Variants in NCAPH2 observed in about 807,000 individuals in gnomAD.
NCAPH2 encodes the protein condensin-2 complex subunit H2.
In NCAPH2, 56 loss-of-function variants were observed where a neutral mutation model predicts 88.6. That is an observed-to-expected ratio of 0.63 (90% CI 0.51 to 0.79). NCAPH2 has a LOEUF of 0.79. Among genes scored for constraint, NCAPH2 ranks in the 30% least tolerant of loss-of-function variants. NCAPH2 has a pLI of 0.00. For synonymous variants in NCAPH2, 378 were observed against 313.6 expected (o/e 1.21, Z -2.17); for missense variants, 794 against 792.0 (o/e 1.00, Z -0.03).
chr22:50,514,891 G>A (rs1241787040), intron 1 of NCAPH2, among the ~76,000 whole-genome samples: 1 of 152,196 alleles, frequency 6.6e-6, no homozygotes, highest in Non-Finnish European at 1.5e-5. Context: ...CCCAGCACGC[G>A]CCATGCTTTG....
Position 50,523,795 on chromosome 22 carries a change from CG to C in NCAPH2, c.*422del, listed in dbSNP as rs773530910. 6.2e-7 allele frequency: 1 copy of C among 1,614,130 alleles called. No individual in the cohort carries two copies. Among genetic ancestry groups the C allele is most frequent in the Non-Finnish European group, 8.5e-7 (1 of 1,180,016 alleles). On this transcript the variant is annotated 3_prime_UTR_variant, in exon 20 of 20. Coordinates refer to ENST00000420993, the MANE Select transcript of NCAPH2 (RefSeq NM_152299.4). The stretch of plus-strand genomic sequence containing the variant: ...CTTGGGGCCTGCATTGTAGTACACG[CG>C]GTAACTGTGACTAGCCTGGGCAACC...
intron 11 of NCAPH2, 64 bp from the exon 12 acceptor site, chr22:50,521,677 G>A (rs2069102680): frequency 6.8e-6 from 11 of 1,610,456 alleles, no homozygotes; most frequent in Admixed American, 1.7e-5. Flanking sequence ...GAGGTGGGGG[G>A]GTGGGAGTGG....
chr22:50,511,813 T>C (rs1175790310), intron 1 of NCAPH2, among the ~76,000 whole-genome samples: 2 of 150,334 alleles, frequency 1.3e-5, no homozygotes, highest in Admixed American at 6.6e-5. Context: ...GCCTGGCTAA[T>C]TTTTTTGTAT....
At chr22:50,517,122 G>A (rs907972899) in intron 2 of NCAPH2, among the ~76,000 whole-genome samples, 19 of 152,188 alleles carry the variant, frequency 1.2e-4, no homozygotes, top group Non-Finnish European at 1.9e-4. Flanking sequence ...ACCAAGGACC[G>A]TGTGATGAGG....
rs1569521110 is a variant in NCAPH2, at chr22:50,522,037, C to G, written c.1160C>G (p.Ala387Gly). The change falls in exon 13 of 20, where the codon GCA (alanine) becomes GGA (glycine). Residue 387 changes from alanine to glycine, a missense_variant and splice_region_variant. This residue lies in a region of NCAPH2 where 735 missense variants were observed against 696.3 expected (regional missense o/e 1.06). Coordinates refer to ENST00000420993, the MANE Select transcript of NCAPH2 (RefSeq NM_152299.4). ...CTTCGGCGAAAGGGTCCGTCCTTTGCAGGTGAGGCTGAAGTCCTCGGGGAA... is the reference window on the plus strand; with the variant it reads ...CTTCGGCGAAAGGGTCCGTCCTTTGGAGGTGAGGCTGAAGTCCTCGGGGAA... Reference protein sequence around the residue: ...RRLRRKGPSFADMEVLYWTHV... With the variant: ...RRLRRKGPSFGDMEVLYWTHV... 1 of 1,614,044 alleles carries G rather than the reference C, an allele frequency of 6.2e-7. No individual in the cohort carries two copies. Among genetic ancestry groups the G allele is most frequent in the Non-Finnish European group, 8.5e-7 (1 of 1,179,964 alleles).
intron 15 of NCAPH2, 37 bp downstream of exon 15, chr22:50,522,452 C>T (rs1388162047): frequency 3.7e-6 from 6 of 1,612,964 alleles, no homozygotes; most frequent in Non-Finnish European, 4.2e-6. Context: ...GGGCTTGGCA[C>T]CTGCCGACTA....
At chr22:50,508,687 ATGAT>A (rs1569519531) in intron 1 of NCAPH2, among the ~76,000 whole-genome samples, 1 of 152,190 alleles carries the variant, frequency 6.6e-6, no homozygotes, top group African/African-American at 2.4e-5. Flanking sequence ...CGAGCCGTGA[ATGAT>A]TGAGTGGGTG....
chr22:50,513,484 C>T (rs745886688), intron 1 of NCAPH2, among the ~76,000 whole-genome samples: 5 of 152,176 alleles, frequency 3.3e-5, no homozygotes, highest in African/African-American at 4.8e-5. Flanking sequence ...TTAGGGAGGC[C>T]GAGGTGGCTT....
Position 50,521,833 on chromosome 22 carries a change from T to C in NCAPH2, c.1093T>C (p.Trp365Arg). Reference sequence around the variant, plus strand: ...TGCCAAGCTGCAGGACTTCCACCAGTGGTACCTGGCTGCCTGTGAGTGGGT... The same window carrying C: ...TGCCAAGCTGCAGGACTTCCACCAGCGGTACCTGGCTGCCTGTGAGTGGGT... ...GAAKLQDFHQ[W>R]YLAAYADHAD... Residue 365 changes from tryptophan (W) to arginine (R), a missense_variant, in exon 12 of 20, where the codon TGG (tryptophan) becomes CGG (arginine). Coordinates refer to ENST00000420993, the MANE Select transcript of NCAPH2 (RefSeq NM_152299.4). The C allele has an allele frequency of 6.2e-7, 1 of 1,613,862 alleles. No homozygotes were observed. Among genetic ancestry groups the C allele is most frequent in the Non-Finnish European group, 8.5e-7 (1 of 1,180,008 alleles).
chr22:50,508,925 G>C (rs1310928398), intron 1 of NCAPH2, among the ~76,000 whole-genome samples: 2 of 152,164 alleles, frequency 1.3e-5, no homozygotes, highest in Non-Finnish European at 2.9e-5. Flanking sequence ...CCTGTGTTAA[G>C]CTGTCTGCTC....
Position 50,508,281 on chromosome 22 carries a change from G to A in NCAPH2, c.-57G>A, listed in dbSNP as rs530638587. On this transcript the variant is annotated 5_prime_UTR_variant, in exon 1 of 20. Coordinates refer to ENST00000420993, the MANE Select transcript of NCAPH2 (RefSeq NM_152299.4). ...CCAGAACTAGTGGCGGGCTGAGGACGCCGTACCCCTCGGAAGGCAGCCCTG... is the reference window on the plus strand; with the variant it reads ...CCAGAACTAGTGGCGGGCTGAGGACACCGTACCCCTCGGAAGGCAGCCCTG... The A allele has an allele frequency of 3.5e-3, 4,606 of 1,307,300 alleles. 8 individuals are homozygous for A. The highest frequency in any genetic ancestry group is 7.7e-3 in the Middle Eastern group (31 of 4,040). The allele number at this position is 1,307,300 out of a possible 1,614,324, so 81.0% of individuals were successfully genotyped here.
At position 50,519,302 on chromosome 22, in the gene NCAPH2, G is replaced by T. The variant is rs774506581; in HGVS notation, c.843G>T (p.Glu281Asp). The T allele has an allele frequency of 6.2e-7, 1 of 1,608,056 alleles. No homozygotes were observed. The highest frequency in any genetic ancestry group is 8.5e-7 in the Non-Finnish European group (1 of 1,177,926). Residue 281 changes from glutamate (E) to aspartate (D), a missense_variant, in exon 9 of 20, where the codon GAG (glutamate) becomes GAT (aspartate). Glu to Asp is a conservative substitution (Grantham distance 45). Transcript: ENST00000420993. ...CCAAGGCCGCTCTGGAGCCCAAGGA[G>T]TCCAGGAGCCCGCAGCAGGTGGGAC... ...SAPKAALEPK[E>D]SRSPQQSAAL...
rs1405252716 is a variant in NCAPH2 at position 50,512,198 on chromosome 22, G to T, written c.108+3753G>T. 1.3e-5 allele frequency among the ~76,000 whole-genome samples: 2 copies of T among 152,256 alleles called. 1 individual carries two copies. The highest frequency in any genetic ancestry group is 4.1e-4 in the South Asian group (2 of 4,832). ...CCCTCTTTTGTCTGCTTAGTAGAGTGCCTGGCACATAGGTGTGGACGTTAA... is the reference window on the plus strand; with the variant it reads ...CCCTCTTTTGTCTGCTTAGTAGAGTTCCTGGCACATAGGTGTGGACGTTAA... On this transcript the variant is annotated intron_variant, in intron 1 of 19. Transcript: ENST00000420993.
In NCAPH2 at chr22:50,519,233, C is replaced by CGAGGATGCA. The variant is rs755293223; in HGVS notation, c.780_788dup (p.Asp260_Glu262dup). On this transcript the variant is annotated inframe_insertion, in exon 9 of 20. Transcript: ENST00000420993. ...CGATGCCCCTGGGTGGGGGCGAGGACGAGGATGCAGAGGAGGCAGTAGAGC... is the reference window on the plus strand; with the variant it reads ...CGATGCCCCTGGGTGGGGGCGAGGACGAGGATGCAGAGGATGCAGAGGAGGCAGTAGAGC... 6.2e-7 allele frequency: 1 copy of CGAGGATGCA among 1,610,368 alleles called. No individual in the cohort carries two copies. Among genetic ancestry groups the CGAGGATGCA allele is most frequent in the Non-Finnish European group, 8.5e-7 (1 of 1,178,884 alleles).
Position 50,521,675 on chromosome 22 carries a change from G to A in NCAPH2, c.1000+66G>A. ...TGGGTTTCCTGGGGCATGAGGTGGG[G>A]GGGTGGGAGTGGGCTTTGCACCCTG... On this transcript the variant is annotated intron_variant, in intron 11 of 19. Transcript: ENST00000420993. 8 of 1,611,120 alleles carry A rather than the reference G, an allele frequency of 5.0e-6. No individual in the cohort carries two copies. The South Asian group carries it at 8.8e-5, about 18-fold the overall frequency.
rs374799072 is a variant in NCAPH2, at chr22:50,508,327, C to T, written c.-11C>T. On this transcript the variant is annotated 5_prime_UTR_variant, in exon 1 of 20. Coordinates refer to ENST00000420993, the MANE Select transcript of NCAPH2 (RefSeq NM_152299.4). ...CCCTGCGGTCCCTTTGCCGCCCGTT[C>T]CCTCCCGGACATGGAGGACGTGGAG... 297 of 1,480,298 alleles carry T rather than the reference C, an allele frequency of 2.0e-4. 1 individual carries two copies. In the African/African-American group the frequency reaches 3.2e-3, roughly 16 times the overall value. The allele number at this position is 1,480,298 out of a possible 1,614,324, so 91.7% of individuals were successfully genotyped here. A position where few individuals can be genotyped will look rare whatever the true frequency, so the allele number is the denominator to read the frequency against.
rs754650200 is a variant in NCAPH2 at position 50,522,394 on chromosome 22, C to G, written c.1285C>G (p.Leu429Val). ...PAEEDHLEDS[L>V]EDLGAADDFL... is the part of the protein sequence containing the mutation. ...AGAGGAGGACCACCTGGAGGATTCC[C>G]TGGAAGACCTGGGGGCAGCAGGTGG... The change falls in exon 15 of 20, where the codon CTG (leucine) becomes GTG (valine). Residue 429 changes from leucine (L) to valine (V), a missense_variant. Coordinates refer to ENST00000420993, the MANE Select transcript of NCAPH2 (RefSeq NM_152299.4). 2 of 1,609,976 alleles carry G rather than the reference C, an allele frequency of 1.2e-6. No homozygotes were observed. The highest frequency in any genetic ancestry group is 4.5e-5 in the East Asian group (2 of 44,836).
At chr22:50,518,395 G>A in intron 7 of NCAPH2, 117 bp downstream of exon 7, 2 of 1,430,806 alleles carry the variant, frequency 1.4e-6, no homozygotes, top group South Asian at 2.7e-5. Flanking sequence ...GTCTCTGGGT[G>A]CCTGCTCTAG....
intron 9 of NCAPH2, chr22:50,520,643 C>T (rs2069060549): frequency 1.8e-5 from 4 of 228,166 alleles, no homozygotes; most frequent in South Asian, 7.1e-5. Flanking sequence ...ACTGCAACCT[C>T]TGCCTCCTGG....
Sources: allele counts gnomAD v4.1 joint callset (sites outside exome capture counted in the v4.1 genomes callset), GRCh38; gene constraint gnomAD v4.1.1; regional missense constraint gnomAD v4.1.1; transcripts MANE v1.5; gene names NCBI Gene and HGNC (gene_info 2026-07-23, HGNC 2026-07-21).